TRAM2: variants seen among roughly 807,000 people sequenced by gnomAD.
TRAM2 encodes the protein translocation associated membrane protein 2.
In TRAM2, 12 loss-of-function variants were observed where a neutral mutation model predicts 51.0. The observed-to-expected ratio is 0.24, with a 90% CI of 0.15 to 0.38. The LOEUF is 0.38. Among genes scored for constraint, TRAM2 ranks in the 10% least tolerant of loss-of-function variants. The pLI, the probability that TRAM2 is intolerant of heterozygous loss-of-function variation, is 1.00. For synonymous variants in TRAM2, 175 were observed against 179.4 expected (o/e 0.98, Z 0.20); for missense variants, 361 against 462.0 (o/e 0.78, Z 2.00).
At chr6:52,570,800 C>CT (rs1414477480) in intron 1 of TRAM2, among the ~76,000 whole-genome samples, 4 of 115,796 alleles carry the variant, frequency 3.5e-5, no homozygotes, top group Admixed American at 8.2e-5. Context: ...CCACCACCCC[C>CT]CCCCCCACAC....
intron 1 of TRAM2, among the ~76,000 whole-genome samples, chr6:52,538,899 G>A (rs1184602381): frequency 1.3e-5 from 2 of 152,154 alleles, no homozygotes; most frequent in African/African-American, 4.8e-5. Flanking sequence ...TTGTTCCTGG[G>A]AGAAATACAG....
At chr6:52,516,574 C>T in intron 3 of TRAM2, 54 bp downstream of exon 3, 5 of 1,473,528 alleles carry the variant, frequency 3.4e-6, no homozygotes, top group Non-Finnish European at 4.7e-6. Context: ...CCAGGTCCTC[C>T]ACCCCAAGGC....
intron 2 of TRAM2, among the ~76,000 whole-genome samples, chr6:52,532,200 C>G (rs1199643673): frequency 1.3e-5 from 2 of 152,220 alleles, no homozygotes; most frequent in Non-Finnish European, 2.9e-5. Flanking sequence ...TGATCATGAT[C>G]TGGCTTCACA....
At chr6:52,537,062 C>T (rs1360073502) in intron 1 of TRAM2, among the ~76,000 whole-genome samples, 1 of 152,210 alleles carries the variant, frequency 6.6e-6, no homozygotes, top group African/African-American at 2.4e-5. Context: ...CTAGAGACAA[C>T]CCTCTCCTTT....
At position 52,570,804 on chromosome 6, in the gene TRAM2, C is replaced by CG. The variant is rs978778173; in HGVS notation, c.120+5991_120+5992insC. On this transcript the variant is annotated intron_variant, in intron 1 of 10. Transcript: ENST00000182527. ...ATCCTCCCTGCCCACCACCCCCCCCCCCACACGCACACACACTCTGCCTCC... is the reference window on the plus strand; with the variant it reads ...ATCCTCCCTGCCCACCACCCCCCCCCGCCACACGCACACACACTCTGCCTCC... Among the ~76,000 whole-genome samples the CG allele has an allele frequency of 3.8e-4, 32 of 83,496 alleles. 1 individual carries two copies. The highest frequency in any genetic ancestry group is 1.0e-3 in the Admixed American group (9 of 9,014). The allele number at this position is 83,496 out of a possible 152,430, so 54.8% of individuals were successfully genotyped here.
At chr6:52,514,264 T>A (rs1024483579) in intron 4 of TRAM2, among the ~76,000 whole-genome samples, 40 of 148,586 alleles carry the variant, frequency 2.7e-4, no homozygotes, top group East Asian at 7.7e-4. Flanking sequence ...ATTATTTTTT[T>A]AAAAAAACAA....
At chr6:52,533,710 G>T (rs1195620947) in intron 2 of TRAM2, among the ~76,000 whole-genome samples, 1 of 152,200 alleles carries the variant, frequency 6.6e-6, no homozygotes, top group Non-Finnish European at 1.5e-5. Flanking sequence ...TCAGGAATTT[G>T]CCCCCAAAGT....
chr6:52,519,986 G>A (rs4712008), intron 2 of TRAM2, among the ~76,000 whole-genome samples: 11,956 of 152,224 alleles, frequency 0.079, 949 homozygotes, highest in Admixed American at 0.25. Context: ...GTTACCAAGG[G>A]CTGGGAGTGA....
chr6:52,539,682 G>A (rs1384830134), intron 1 of TRAM2, among the ~76,000 whole-genome samples: 1 of 152,170 alleles, frequency 6.6e-6, no homozygotes, highest in Admixed American at 6.5e-5. Context: ...CCTTGTTTGA[G>A]GTGCACATCC....
rs368707931 is a variant in TRAM2, at chr6:52,500,518, G to GTT, written c.*2677_*2678dup. ...TGCCAGCCCCACTCATGGTCTCAGG[G>GTT]TTTTTTTTTGTTTTTTTTTTTTTTT... On this transcript the variant is annotated 3_prime_UTR_variant, in exon 11 of 11. Transcript: ENST00000182527. 2.6e-3 allele frequency: 210 copies of GTT among 79,414 alleles called. No homozygotes were observed. Among genetic ancestry groups the GTT allele is most frequent in the African/African-American group, 7.7e-3 (206 of 26,858 alleles). 4.9% of individuals were successfully genotyped at this position (79,414 alleles called of 1,614,324 possible). A position where few individuals can be genotyped will look rare whatever the true frequency, so the allele number is the denominator to read the frequency against.
chr6:52,541,375 G>A lies in TRAM2; in HGVS notation c.121-5529C>T, dbSNP rs565121120. 3.0e-4 allele frequency among the ~76,000 whole-genome samples: 46 copies of A among 152,274 alleles called. No homozygotes were observed. The South Asian group carries it at 8.3e-3, about 27-fold the overall frequency. ...ATGTCCCCATTTCACAGATAAGCAC[G>A]GGAAGGATAAAGCCAAAGGAGCAGC... On this transcript the variant is annotated intron_variant, in intron 1 of 10. Transcript: ENST00000182527.
At chr6:52,521,758 AAAAT>A (rs940335109) in intron 2 of TRAM2, among the ~76,000 whole-genome samples, 2 of 151,886 alleles carry the variant, frequency 1.3e-5, no homozygotes, top group African/African-American at 2.4e-5. Flanking sequence ...AAATAAAATA[AAAAT>A]AAATAAATAA....
chr6:52,514,264 TA>T (rs561497674), intron 4 of TRAM2, among the ~76,000 whole-genome samples: 4 of 148,468 alleles, frequency 2.7e-5, no homozygotes, highest in Non-Finnish European at 5.9e-5. Context: ...ATTATTTTTT[TA>T]AAAAAACAAG....
At chr6:52,503,399 G>A (rs1766278261) in intron 10 of TRAM2, 129 bp from the exon 11 acceptor site, 3 of 800,684 alleles carry the variant, frequency 3.7e-6, no homozygotes, top group African/African-American at 3.4e-5. Flanking sequence ...CACCAAAGGG[G>A]CGCCAGGCTG....
intron 1 of TRAM2, among the ~76,000 whole-genome samples, chr6:52,548,704 C>T (rs1363307463): frequency 6.6e-6 from 1 of 152,190 alleles, no homozygotes; most frequent in East Asian, 1.9e-4. Context: ...CACCATGCTA[C>T]CTGAACGATG....
At chr6:52,546,511 G>GT (rs1294679298) in intron 1 of TRAM2, among the ~76,000 whole-genome samples, 3 of 152,190 alleles carry the variant, frequency 2.0e-5, no homozygotes, top group Admixed American at 2.0e-4. Flanking sequence ...CTGGACTTAG[G>GT]TAGTGGCAAC....
At chr6:52,542,619 C>T (rs1767124101) in intron 1 of TRAM2, among the ~76,000 whole-genome samples, 1 of 152,104 alleles carries the variant, frequency 6.6e-6, no homozygotes. Context: ...CAAAGCTAAA[C>T]AAACACGCAC....
chr6:52,569,388 TAA>T (rs11331630), intron 1 of TRAM2, among the ~76,000 whole-genome samples: 39,911 of 135,978 alleles, frequency 0.29, 6,048 homozygotes, highest in East Asian at 0.52. Context: ...AGACTCCATT[TAA>T]AAAAAAAAAA....
At chr6:52,567,706 G>A (rs959639192) in intron 1 of TRAM2, among the ~76,000 whole-genome samples, 2 of 152,182 alleles carry the variant, frequency 1.3e-5, no homozygotes, top group Non-Finnish European at 2.9e-5. Flanking sequence ...TGTTCATTAT[G>A]GATGGCAATC....
Sources: allele counts gnomAD v4.1 joint callset (sites outside exome capture counted in the v4.1 genomes callset), GRCh38; gene constraint gnomAD v4.1.1; transcripts MANE v1.5; gene names NCBI Gene and HGNC (gene_info 2026-07-23, HGNC 2026-07-21).